MTAP: variants seen among roughly 807,000 people sequenced by gnomAD.
MTAP encodes S-methyl-5'-thioadenosine phosphorylase.
A neutral mutation model predicts 33.6 loss-of-function variants in MTAP; 33 were observed. The observed-to-expected ratio is 0.98, with a 90% CI of 0.74 to 1.31. MTAP has a LOEUF of 1.31. Ranked by LOEUF, MTAP falls within the 40% of genes most tolerant of loss-of-function variation. The pLI is 0.00. For missense variants in MTAP, 367 were observed against 360.0 expected (o/e 1.02, Z -0.16); for synonymous variants, 148 against 125.7 (o/e 1.18, Z -1.19).
intron 1 of MTAP, among the ~76,000 whole-genome samples, chr9:21,806,935 G>C (rs1824222702): frequency 6.6e-6 from 1 of 152,244 alleles, no homozygotes; most frequent in Non-Finnish European, 1.5e-5. Context: ...AGGCCCAGCT[G>C]GGCAGATTAC....
At chr9:21,856,144 TA>T in intron 6 of MTAP, 2 of 985,304 alleles carry the variant, frequency 2.0e-6, no homozygotes, top group South Asian at 4.7e-5. Flanking sequence ...TATCTCATTT[TA>T]AGATAAAGGG....
chr9:21,940,007 G>C (rs561928837), downstream of MTAP, among the ~76,000 whole-genome samples: 2 of 152,168 alleles, frequency 1.3e-5, no homozygotes, highest in African/African-American at 4.8e-5. Flanking sequence ...CCAGCCGGGT[G>C]TGGTGGCTCA....
At chr9:21,931,375 C>T, downstream of MTAP, 2 of 505,302 alleles carry the variant, frequency 4.0e-6, no homozygotes, top group Non-Finnish European at 3.5e-6. Flanking sequence ...CCCCCTCCAA[C>T]TAGGAATGTC....
chr9:21,860,608 T>A (rs1390695171), intron 7 of MTAP: 1 of 152,156 alleles, frequency 6.6e-6, no homozygotes, highest in Non-Finnish European at 1.5e-5. Context: ...TTATTAGAAT[T>A]AAAAGGGAAA....
intron 1 of MTAP, among the ~76,000 whole-genome samples, chr9:21,885,876 T>C (rs989690753): frequency 1.3e-5 from 2 of 152,008 alleles, no homozygotes; most frequent in African/African-American, 2.4e-5. Flanking sequence ...TTGAGCTGGT[T>C]CCATATTTTT....
intron 1 of MTAP, among the ~76,000 whole-genome samples, chr9:21,914,164 C>A (rs1219125650): frequency 6.6e-6 from 1 of 152,158 alleles, no homozygotes; most frequent in African/African-American, 2.4e-5. Context: ...GAAATAGGAA[C>A]ACTTTTACAC....
intron 5 of MTAP, among the ~76,000 whole-genome samples, chr9:21,840,315 C>A (rs1183401069): frequency 6.6e-6 from 1 of 152,088 alleles, no homozygotes; most frequent in Non-Finnish European, 1.5e-5. Context: ...ATCTTTTGTT[C>A]CAAGAACCAC....
intron 1 of MTAP, among the ~76,000 whole-genome samples, chr9:21,925,701 C>G (rs1563873147): frequency 6.6e-6 from 1 of 152,186 alleles, no homozygotes; most frequent in Non-Finnish European, 1.5e-5. Flanking sequence ...GGCTGAAGGG[C>G]CCCTAGAACA....
chr9:21,880,038 C>T (rs142312672), intron 1 of MTAP, among the ~76,000 whole-genome samples: 86 of 152,120 alleles, frequency 5.7e-4, no homozygotes, highest in African/African-American at 2.0e-3. Flanking sequence ...TAAAATCTTG[C>T]AAGAGTTCTG....
In MTAP at chr9:21,874,487, C is replaced by A. The variant is rs79757420; in HGVS notation, c.147+19617C>A. On this transcript the variant is annotated intron_variant, in intron 1 of 1. Transcript: ENST00000577563. ...GTGTTTCTTTTATTTTAGGCCATCT[C>A]TTTTAGTAAATGTCCTTGAATGTTT... Among the ~76,000 whole-genome samples the A allele has an allele frequency of 9.1e-3, 1,391 of 152,168 alleles. 16 individuals carry two copies. The highest frequency in any genetic ancestry group is 0.044 in the Middle Eastern group (13 of 294).
intron 5 of MTAP, among the ~76,000 whole-genome samples, chr9:21,853,789 C>T (rs1448308404): frequency 6.6e-6 from 1 of 152,118 alleles, no homozygotes. Flanking sequence ...TATCATTATT[C>T]TCAATTTACA....
chr9:21,810,431 A>AAGAG (rs57236244), intron 1 of MTAP, among the ~76,000 whole-genome samples: 39,404 of 151,888 alleles, frequency 0.26, 8,256 homozygotes, highest in African/African-American at 0.58. Context: ...GGAAACAAAA[A>AAGAG]AGAGACAAAC....
chr9:21,811,630 C>G (rs983479169), intron 1 of MTAP: 4 of 511,152 alleles, frequency 7.8e-6, no homozygotes, highest in Non-Finnish European at 1.6e-5. Flanking sequence ...GGCCACCTAC[C>G]TCCTCCTTGG....
downstream of MTAP, among the ~76,000 whole-genome samples, chr9:21,868,151 GT>G (rs1466439661): frequency 6.6e-6 from 1 of 152,138 alleles, no homozygotes; most frequent in Admixed American, 6.5e-5. Context: ...CCTTTCTATA[GT>G]GGTTGAATTT....
At chr9:21,831,720 G>C (rs1279907756) in intron 4 of MTAP, among the ~76,000 whole-genome samples, 1 of 152,120 alleles carries the variant, frequency 6.6e-6, no homozygotes. Flanking sequence ...AAACATATCA[G>C]TAAGGAGAAG....
intron 4 of MTAP, among the ~76,000 whole-genome samples, chr9:21,836,893 G>A (rs1825122598): frequency 6.6e-6 from 1 of 152,126 alleles, no homozygotes; most frequent in African/African-American, 2.4e-5. Flanking sequence ...CTGTGTAAAC[G>A]GAACCAGTGA....
At chr9:21,887,524 G>A (rs1818131927) in intron 1 of MTAP, among the ~76,000 whole-genome samples, 2 of 152,138 alleles carry the variant, frequency 1.3e-5, no homozygotes, top group Non-Finnish European at 2.9e-5. Flanking sequence ...TTGGACATTT[G>A]GGTTGGTTCC....
At chr9:21,815,156 T>C (rs923095106) in intron 1 of MTAP, among the ~76,000 whole-genome samples, 3 of 152,208 alleles carry the variant, frequency 2.0e-5, no homozygotes, top group Non-Finnish European at 4.4e-5. Context: ...TGCTGACTTG[T>C]AATTCAGACA....
At chr9:21,804,522 C>T (rs2117877024) in intron 1 of MTAP, among the ~76,000 whole-genome samples, 1 of 152,254 alleles carries the variant, frequency 6.6e-6, no homozygotes, top group African/African-American at 2.4e-5. Context: ...TTAAGAGGTA[C>T]ATATGGTGCT....
Sources: allele counts gnomAD v4.1 joint callset (sites outside exome capture counted in the v4.1 genomes callset), GRCh38; gene constraint gnomAD v4.1.1; transcripts MANE v1.5; gene names NCBI Gene and HGNC (gene_info 2026-07-23, HGNC 2026-07-21).